PLA2G4A: variants seen among roughly 807,000 people sequenced by gnomAD.
PLA2G4A encodes the protein cytosolic phospholipase A2.
A neutral mutation model predicts 81.9 loss-of-function variants in PLA2G4A; 40 were observed. The observed-to-expected ratio is 0.49, with a 90% CI of 0.38 to 0.64. The LOEUF is 0.64. Among genes scored for constraint, PLA2G4A ranks in the 30% least tolerant of loss-of-function variants. The pLI, the probability that PLA2G4A is intolerant of heterozygous loss-of-function variation, is 0.00. For synonymous variants in PLA2G4A, 302 were observed against 296.9 expected (o/e 1.02, Z -0.18); for missense variants, 715 against 905.1 (o/e 0.79, Z 2.69).
chr1:186,912,625 T>A (rs1195995764), intron 7 of PLA2G4A, among the ~76,000 whole-genome samples: 1 of 151,040 alleles, frequency 6.6e-6, no homozygotes, highest in Non-Finnish European at 1.5e-5. Context: ...CTCCATGTCT[T>A]TTCATGGTTT....
chr1:186,912,746 A>G (rs1434049009), intron 7 of PLA2G4A, among the ~76,000 whole-genome samples: 1 of 143,620 alleles, frequency 7.0e-6, no homozygotes, highest in Non-Finnish European at 1.5e-5. Context: ...ATATACATAT[A>G]TATGTATATA....
At chr1:186,955,502 C>T (rs1656712598) in intron 13 of PLA2G4A, among the ~76,000 whole-genome samples, 1 of 151,958 alleles carries the variant, frequency 6.6e-6, no homozygotes, top group Non-Finnish European at 1.5e-5. Context: ...GAAATCAATT[C>T]AGGAAAGAAG....
intron 1 of PLA2G4A, among the ~76,000 whole-genome samples, chr1:186,829,618 T>A (rs1362178171): frequency 5.9e-5 from 9 of 152,114 alleles, no homozygotes; most frequent in Admixed American, 5.9e-4. Flanking sequence ...CCTAAGTTAC[T>A]TGGCTTGCCA....
intron 5 of PLA2G4A, among the ~76,000 whole-genome samples, chr1:186,901,436 T>C (rs1415182765): frequency 6.6e-6 from 1 of 152,176 alleles, no homozygotes; most frequent in Non-Finnish European, 1.5e-5. Context: ...TTTACCATTG[T>C]GTACCCATCC....
At chr1:186,904,235 T>TA (rs905728505) in intron 5 of PLA2G4A, among the ~76,000 whole-genome samples, 14 of 152,168 alleles carry the variant, frequency 9.2e-5, no homozygotes, top group African/African-American at 3.4e-4. Flanking sequence ...AACTTCTTCC[T>TA]AAAAAAGGTG....
chr1:186,946,769 T>G lies in PLA2G4A; in HGVS notation c.1166T>G (p.Leu389Ter). ...KKYEENPLHF[L>*]MGVWGSAFSI... Reference sequence around the variant, plus strand: ...TATGAAGAAAACCCCTTGCATTTCTTAATGGGTAAGTGATCAAAATAAAAA... The same window carrying G: ...TATGAAGAAAACCCCTTGCATTTCTGAATGGGTAAGTGATCAAAATAAAAA... The change falls in exon 11 of 18, where the codon TTA becomes TGA. Residue 389 changes from leucine (L) to a stop codon, truncating the protein, a stop_gained. Transcript: ENST00000367466. LOFTEE classifies it high-confidence loss of function. 1 of 1,611,080 alleles carries G rather than the reference T, an allele frequency of 6.2e-7. No individual in the cohort carries two copies. The highest frequency in any genetic ancestry group is 8.5e-7 in the Non-Finnish European group (1 of 1,177,580).
chr1:186,933,687 G>C (rs1655831723), intron 8 of PLA2G4A, among the ~76,000 whole-genome samples: 2 of 152,042 alleles, frequency 1.3e-5, no homozygotes, highest in Admixed American at 1.3e-4. Flanking sequence ...TCATCTATCA[G>C]AATATCGTAT....
intron 2 of PLA2G4A, among the ~76,000 whole-genome samples, chr1:186,860,650 A>T (rs1350668307): frequency 6.6e-6 from 1 of 152,212 alleles, no homozygotes; most frequent in Non-Finnish European, 1.5e-5. Flanking sequence ...TTGATGTGTA[A>T]AATTAATCAT....
chr1:186,857,762 C>T (rs1652644220), intron 2 of PLA2G4A, among the ~76,000 whole-genome samples: 1 of 151,920 alleles, frequency 6.6e-6, no homozygotes, highest in Admixed American at 6.6e-5. Context: ...GCCCCCCACA[C>T]CCCTGACAGG....
At chr1:186,985,696 C>G (rs1387237098) in intron 17 of PLA2G4A, among the ~76,000 whole-genome samples, 2 of 151,938 alleles carry the variant, frequency 1.3e-5, no homozygotes, top group African/African-American at 4.8e-5. Context: ...AGATCTGGTT[C>G]AACAATAGGA....
chr1:186,968,096 T>G (rs1231569733), intron 15 of PLA2G4A, among the ~76,000 whole-genome samples: 4 of 152,082 alleles, frequency 2.6e-5, no homozygotes, highest in Non-Finnish European at 5.9e-5. Context: ...TAGAAGCTGG[T>G]CTAGTGGTGG....
chr1:186,830,608 C>CAAAAAAAAAAAAA lies in PLA2G4A; in HGVS notation c.-70+1585_-70+1597dup, dbSNP rs55745208. Among the ~76,000 whole-genome samples, 170 of 72,654 alleles carry CAAAAAAAAAAAAA rather than the reference C, an allele frequency of 2.3e-3. 5 individuals carry two copies. The highest frequency in any genetic ancestry group is 8.2e-3 in the African/African-American group (153 of 18,570). 47.7% of individuals were successfully genotyped at this position (72,654 alleles called of 152,430 possible). A position where few individuals can be genotyped will look rare whatever the true frequency, so the allele number is the denominator to read the frequency against. On this transcript the variant is annotated intron_variant, in intron 1 of 17. Transcript: ENST00000367466. ...GAGCGAAAACAGCGAAGCTCTGTCT[C>CAAAAAAAAAAAAA]AAAAAAAAAAAAAAAAAAAAAAAAG...
At chr1:186,876,312 T>A (rs1309268401) in intron 3 of PLA2G4A, among the ~76,000 whole-genome samples, 2 of 152,176 alleles carry the variant, frequency 1.3e-5, no homozygotes, top group African/African-American at 2.4e-5. Flanking sequence ...GCTTTTTATG[T>A]CTTTGAAGTC....
intron 3 of PLA2G4A, among the ~76,000 whole-genome samples, chr1:186,878,547 T>G (rs1464094458): frequency 6.6e-6 from 1 of 151,696 alleles, no homozygotes; most frequent in Non-Finnish European, 1.5e-5. Context: ...GTAAAGTGTT[T>G]CATAACGCAT....
intron 5 of PLA2G4A, among the ~76,000 whole-genome samples, chr1:186,895,721 G>C (rs535047673): frequency 1.3e-5 from 2 of 152,326 alleles, no homozygotes; most frequent in East Asian, 3.9e-4. Context: ...TGTGTTGTGA[G>C]AGGAGGCTAG....
intron 8 of PLA2G4A, among the ~76,000 whole-genome samples, chr1:186,937,253 A>AAGAGAGAG (rs58594192): frequency 2.0e-5 from 3 of 149,230 alleles, no homozygotes; most frequent in South Asian, 2.1e-4. Flanking sequence ...GAGACGGGAA[A>AAGAGAGAG]AGAGAGAGAG....
intron 17 of PLA2G4A, among the ~76,000 whole-genome samples, chr1:186,980,109 G>A (rs1341340491): frequency 1.3e-5 from 2 of 151,764 alleles, no homozygotes; most frequent in African/African-American, 4.8e-5. Flanking sequence ...CACCACGCCC[G>A]GCTAATTTTT....
Position 186,979,322 on chromosome 1 carries a change from A to G in PLA2G4A, c.1968A>G (p.Pro656=), listed in dbSNP as rs1203520269. 1 of 1,611,254 alleles carries G rather than the reference A, an allele frequency of 6.2e-7. No homozygotes were observed. The highest frequency in any genetic ancestry group is 1.3e-5 in the African/African-American group (1 of 74,888). The part of the protein sequence containing the change: ...NFRKYRAPGV[P]RETEEEKEIA... ...GACTCTTCTGGTATTTAGGTGTTCC[A>G]AGGGAAACTGAGGAAGAGAAAGAAA... Residue 656 remains proline (P), a synonymous_variant, in exon 17 of 18, where the codon CCA becomes CCG. Transcript: ENST00000367466.
intron 7 of PLA2G4A, among the ~76,000 whole-genome samples, 175 bp downstream of exon 7, chr1:186,911,564 A>T (rs974217067): frequency 5.9e-5 from 9 of 152,160 alleles, no homozygotes; most frequent in African/African-American, 1.9e-4. Flanking sequence ...GTCATCACAA[A>T]TGGTGCCCTA....
Sources: gnomAD v4.1 joint callset for allele counts (sites outside exome capture counted in the v4.1 genomes callset) on GRCh38, gnomAD v4.1.1 for gene constraint, MANE v1.5 for transcripts, NCBI Gene and HGNC (gene_info 2026-07-23, HGNC 2026-07-21) for gene names.